The following GRID2 variants were observed in gnomAD, a reference collection of about 807,000 sequenced individuals.
The protein encoded by GRID2 is glutamate receptor ionotropic, delta-2.
In GRID2, 33 loss-of-function variants were observed where a neutral mutation model predicts 114.8. The ratio of observed to expected loss-of-function variants is 0.29; its 90% CI spans 0.22 to 0.38. The LOEUF (loss-of-function observed/expected upper bound fraction) is 0.38, where lower values mean the gene tolerates loss of function less well. Ranked by LOEUF, GRID2 falls within the 10% of genes least tolerant of loss-of-function variation. GRID2 has a pLI of 1.00. For synonymous variants in GRID2, 505 were observed against 449.9 expected (o/e 1.12, Z -1.55); for missense variants, 1,184 against 1,257.7 (o/e 0.94, Z 0.89).
chr4:92,666,775 C>G (rs1732810010), intron 2 of GRID2, among the ~76,000 whole-genome samples: 1 of 145,140 alleles, frequency 6.9e-6, no homozygotes, highest in African/African-American at 2.5e-5. Context: ...ATCTCTGGTT[C>G]ACAAAAATGA....
At chr4:92,877,227 T>C (rs2149452767) in intron 2 of GRID2, among the ~76,000 whole-genome samples, 1 of 152,310 alleles carries the variant, frequency 6.6e-6, no homozygotes, top group African/African-American at 2.4e-5. Context: ...GAGTCCAAGG[T>C]TAGTACACTG....
chr4:93,593,818 C>CAG (rs1738698318), intron 13 of GRID2, among the ~76,000 whole-genome samples: 2 of 152,104 alleles, frequency 1.3e-5, no homozygotes, highest in Non-Finnish European at 2.9e-5. Flanking sequence ...TCTTCCATTG[C>CAG]TGATACCCTT....
chr4:92,601,831 C>T (rs964407933), intron 2 of GRID2, among the ~76,000 whole-genome samples: 1 of 151,962 alleles, frequency 6.6e-6, no homozygotes, highest in East Asian at 1.9e-4. Flanking sequence ...AAAAAAGATA[C>T]TGTCACTGAC....
intron 2 of GRID2, among the ~76,000 whole-genome samples, chr4:92,758,468 G>T (rs1197344387): frequency 6.6e-6 from 1 of 152,030 alleles, no homozygotes; most frequent in Admixed American, 6.5e-5. Flanking sequence ...GTGATTAGAA[G>T]TATGAACTTT....
At chr4:93,310,501 A>G (rs1348546478) in intron 8 of GRID2, among the ~76,000 whole-genome samples, 3 of 152,196 alleles carry the variant, frequency 2.0e-5, no homozygotes, top group Non-Finnish European at 4.4e-5. Flanking sequence ...ACTGCACTCC[A>G]GCCTGGGCGC....
At chr4:93,635,797 G>A (rs1721363369) in intron 14 of GRID2, among the ~76,000 whole-genome samples, 1 of 152,074 alleles carries the variant, frequency 6.6e-6, no homozygotes, top group Admixed American at 6.6e-5. Context: ...CTAAATAGAT[G>A]ACAGAATAAG....
chr4:93,771,195 A>T (rs12505322), intron 15 of GRID2, among the ~76,000 whole-genome samples: 3 of 151,994 alleles, frequency 2.0e-5, no homozygotes, highest in Non-Finnish European at 4.4e-5. Context: ...TATTTCTCAA[A>T]TATTGGGCGT....
intron 11 of GRID2, among the ~76,000 whole-genome samples, chr4:93,481,241 A>T (rs1725833662): frequency 6.6e-6 from 1 of 152,068 alleles, no homozygotes; most frequent in Non-Finnish European, 1.5e-5. Flanking sequence ...CAAGTTATTG[A>T]AAAGCATTTG....
At chr4:93,629,046 C>T (rs192820112) in intron 14 of GRID2, among the ~76,000 whole-genome samples, 2 of 152,182 alleles carry the variant, frequency 1.3e-5, no homozygotes, top group Non-Finnish European at 2.9e-5. Flanking sequence ...GGATTACAGG[C>T]ATGAGCCACC....
chr4:93,604,155 T>G (rs1739970238), intron 13 of GRID2, among the ~76,000 whole-genome samples: 1 of 152,224 alleles, frequency 6.6e-6, no homozygotes, highest in Admixed American at 6.5e-5. Context: ...GCATTCACCT[T>G]TCTAGATGCC....
chr4:92,689,444 G>C (rs982588363), intron 2 of GRID2, among the ~76,000 whole-genome samples: 1 of 152,128 alleles, frequency 6.6e-6, no homozygotes, highest in African/African-American at 2.4e-5. Context: ...CCAACCACGG[G>C]GCCAGTTAGG....
intron 1 of GRID2, among the ~76,000 whole-genome samples, chr4:92,317,182 T>C (rs578135401): frequency 5.9e-5 from 9 of 152,308 alleles, no homozygotes; most frequent in Admixed American, 3.9e-4. Flanking sequence ...TTCTTTCATA[T>C]TACTAATCTA....
At chr4:93,297,404 A>G (rs74761766) in intron 8 of GRID2, among the ~76,000 whole-genome samples, 1 of 152,316 alleles carries the variant, frequency 6.6e-6, no homozygotes, top group Non-Finnish European at 1.5e-5. Context: ...CTTTTATATG[A>G]AAAAAGAGTA....
intron 2 of GRID2, among the ~76,000 whole-genome samples, chr4:92,655,726 C>G (rs921469870): frequency 6.6e-6 from 1 of 150,802 alleles, no homozygotes; most frequent in South Asian, 2.1e-4. Context: ...GATTTTGTAT[C>G]CTGTAAGTTA....
intron 10 of GRID2, among the ~76,000 whole-genome samples, chr4:93,442,263 C>T (rs895007127): frequency 1.3e-5 from 2 of 152,006 alleles, no homozygotes; most frequent in African/African-American, 4.8e-5. Context: ...GCAGTTTGGG[C>T]ATTTCAGTCA....
At position 93,515,258 on chromosome 4, in the gene GRID2, C is replaced by G; in HGVS notation, c.2040C>G (p.Gly680=). The G allele has an allele frequency of 6.2e-7, 1 of 1,603,400 alleles. No individual in the cohort carries two copies. The highest frequency in any genetic ancestry group is 8.5e-7 in the Non-Finnish European group (1 of 1,173,648). The change falls in exon 13 of 16, where the codon GGC becomes GGG. Residue 680 remains glycine (G), a synonymous_variant. Coordinates refer to ENST00000282020, the MANE Select transcript of GRID2 (RefSeq NM_001510.4). ...CCAAGCAAACAGAAATCCCTTATGG[C>G]ACAGTCCTAGACTCTGCGGTATATG... ...DLSKQTEIPY[G]TVLDSAVYEH...
chr4:93,689,884 T>C (rs576762982), intron 14 of GRID2, among the ~76,000 whole-genome samples: 36 of 152,178 alleles, frequency 2.4e-4, no homozygotes, highest in African/African-American at 8.4e-4. Flanking sequence ...AAAATCTAAC[T>C]AAACATTACA....
intron 2 of GRID2, among the ~76,000 whole-genome samples, chr4:92,995,339 T>C (rs1755136073): frequency 6.6e-6 from 1 of 152,158 alleles, no homozygotes; most frequent in South Asian, 2.1e-4. Context: ...TGTGGGAAGA[T>C]GGAGTGAGGA....
chr4:93,145,114 T>C (rs929104784), intron 4 of GRID2, among the ~76,000 whole-genome samples: 6 of 152,220 alleles, frequency 3.9e-5, no homozygotes, highest in African/African-American at 1.4e-4. Context: ...GCTATTCAGG[T>C]CTTAAAAGTT....
Sources: gnomAD v4.1 joint callset for allele counts (sites outside exome capture counted in the v4.1 genomes callset) on GRCh38, gnomAD v4.1.1 for gene constraint, MANE v1.5 for transcripts, NCBI Gene and HGNC (gene_info 2026-07-23, HGNC 2026-07-21) for gene names.